Variants in FANCB observed in about 807,000 individuals in gnomAD.
The protein encoded by FANCB is FA complementation group B, also known as Fanconi anemia group B protein.
FANCB carries 5 observed loss-of-function variants against 38.9 expected under a neutral mutation model. The observed-to-expected ratio is 0.13, with a 90% CI of 0.07 to 0.27. The LOEUF is 0.27. FANCB is among the 10% of genes least tolerant of loss of function. The pLI is 1.00. For missense variants in FANCB, 573 were observed against 602.7 expected (o/e 0.95, Z 0.52); for synonymous variants, 236 against 215.4 (o/e 1.10, Z -0.84).
chrX:14,692,706 A>G, the FANCB span, among the ~76,000 whole-genome samples: 3 of 111,633 alleles, frequency 2.7e-5, no homozygotes, highest in Non-Finnish European at 5.7e-5. Flanking sequence ...TGGCTTACTG[A>G]CTGCATACTC....
intron 1 of FANCB, among the ~76,000 whole-genome samples, chrX:14,872,173 T>C (rs2092501720): frequency 8.9e-6 from 1 of 112,210 alleles, no homozygotes; most frequent in African/African-American, 3.2e-5. Context: ...TTTAAGGATG[T>C]AGTCAAACAA....
chrX:14,810,718 T>C, the FANCB span, among the ~76,000 whole-genome samples: 1 of 111,759 alleles, frequency 8.9e-6, no homozygotes, highest in African/African-American at 3.3e-5. Context: ...ACAGGGAGAA[T>C]GGAACCAAGT....
the FANCB span, among the ~76,000 whole-genome samples, chrX:14,766,779 A>G: frequency 9.0e-6 from 1 of 110,534 alleles, no homozygotes; most frequent in African/African-American, 3.3e-5. Flanking sequence ...TGCACAGATC[A>G]TCCCATCACC....
the FANCB span, among the ~76,000 whole-genome samples, chrX:14,715,897 A>T: frequency 8.9e-6 from 1 of 111,881 alleles, no homozygotes; most frequent in Non-Finnish European, 1.9e-5. Flanking sequence ...ATTCCACTAA[A>T]GTAGAAGGCA....
At chrX:14,809,637 C>T in the FANCB span, among the ~76,000 whole-genome samples, 1 of 112,446 alleles carries the variant, frequency 8.9e-6, no homozygotes, top group African/African-American at 3.2e-5. Context: ...AAGGGGCGCC[C>T]GCCATTGCCC....
chrX:14,765,688 C>A, the FANCB span, among the ~76,000 whole-genome samples: 3 of 111,815 alleles, frequency 2.7e-5, no homozygotes, highest in Non-Finnish European at 5.6e-5. Flanking sequence ...CATAACAAAG[C>A]CTGACAGCTT....
chrX:14,759,445 G>T, the FANCB span, among the ~76,000 whole-genome samples: 1 of 111,616 alleles, frequency 9.0e-6, no homozygotes, highest in African/African-American at 3.3e-5. Context: ...CAAAATGAAG[G>T]AAAGAATCTT....
the FANCB span, among the ~76,000 whole-genome samples, chrX:14,698,561 C>G: frequency 9.5e-6 from 1 of 105,769 alleles, no homozygotes; most frequent in Non-Finnish European, 1.9e-5. Context: ...ACCTGTGGTC[C>G]CAGGAACTCA....
the FANCB span, among the ~76,000 whole-genome samples, chrX:14,753,240 C>T: frequency 9.0e-6 from 1 of 111,502 alleles, no homozygotes; most frequent in Admixed American, 9.6e-5. Context: ...GCATTACCTC[C>T]ACTCAATCCA....
At chrX:14,844,461 AC>A in intron 9 of FANCB, 41 bp downstream of exon 9, 3 of 943,322 alleles carry the variant, frequency 3.2e-6, no homozygotes, top group Non-Finnish European at 4.6e-6. Context: ...ACACTCATAC[AC>A]ACTCACTTCT....
chrX:14,694,071 G>GA, the FANCB span, among the ~76,000 whole-genome samples: 27 of 110,112 alleles, frequency 2.5e-4, no homozygotes, highest in Admixed American at 4.8e-4. Flanking sequence ...GAAAAACTAT[G>GA]AAAAAAAACA....
the FANCB span, among the ~76,000 whole-genome samples, chrX:14,719,784 C>G: frequency 8.9e-6 from 1 of 111,847 alleles, no homozygotes; most frequent in Non-Finnish European, 1.9e-5. Context: ...AAAGACAAGA[C>G]ATAAAATCAA....
chrX:14,704,923 A>G, the FANCB span, among the ~76,000 whole-genome samples: 1 of 112,250 alleles, frequency 8.9e-6, no homozygotes, highest in South Asian at 3.7e-4. Flanking sequence ...TTTAAGAACC[A>G]TAAGAGAGTT....
chrX:14,774,918 C>T, the FANCB span, among the ~76,000 whole-genome samples: 3 of 110,859 alleles, frequency 2.7e-5, no homozygotes, highest in Non-Finnish European at 3.8e-5. Context: ...CTGCAAGCTC[C>T]GCCTCCCGGG....
chrX:14,796,480 T>G, the FANCB span, among the ~76,000 whole-genome samples: 3 of 98,384 alleles, frequency 3.0e-5, no homozygotes, highest in Non-Finnish European at 6.0e-5. Context: ...AGATTATATA[T>G]ATAACATATA....
chrX:14,784,658 T>C, the FANCB span, among the ~76,000 whole-genome samples: 6 of 112,265 alleles, frequency 5.3e-5, no homozygotes, highest in African/African-American at 1.9e-4. Context: ...GAAATCCCAT[T>C]ACTGGGTATG....
the FANCB span, among the ~76,000 whole-genome samples, chrX:14,702,956 G>C: frequency 9.0e-6 from 1 of 111,300 alleles, no homozygotes; most frequent in Non-Finnish European, 1.9e-5. Context: ...CACTTGTCTA[G>C]GTGATGTTGC....
the FANCB span, among the ~76,000 whole-genome samples, chrX:14,744,721 T>C: frequency 2.7e-5 from 3 of 111,704 alleles, no homozygotes; most frequent in Admixed American, 9.5e-5. Flanking sequence ...ACCTGGAGGG[T>C]CTAAAATGTA....
chrX:14,863,231 T>C (rs1836805543), intron 3 of FANCB, among the ~76,000 whole-genome samples: 1 of 112,188 alleles, frequency 8.9e-6, no homozygotes, highest in African/African-American at 3.2e-5. Flanking sequence ...TTTCAAACTT[T>C]CTAAAACATT....
Sources: gnomAD v4.1 joint callset for allele counts (sites outside exome capture counted in the v4.1 genomes callset) on GRCh38, gnomAD v4.1.1 for gene constraint, MANE v1.5 for transcripts, NCBI Gene and HGNC (gene_info 2026-07-23, HGNC 2026-07-21) for gene names.